TMEM232: variants seen among roughly 807,000 people sequenced by gnomAD.
TMEM232 encodes the protein transmembrane protein 232.
In TMEM232, 80 loss-of-function variants were observed where a neutral mutation model predicts 78.8. That is an observed-to-expected ratio of 1.01 (90% CI 0.85 to 1.22). The LOEUF (loss-of-function observed/expected upper bound fraction) is 1.22, where lower values mean the gene tolerates loss of function less well. TMEM232 is among the 50% of genes most tolerant of loss of function. The pLI, the probability that TMEM232 is intolerant of heterozygous loss-of-function variation, is 0.00. For missense variants in TMEM232, 881 were observed against 742.2 expected (o/e 1.19, Z -2.17); for synonymous variants, 297 against 254.3 (o/e 1.17, Z -1.60).
downstream of TMEM232, among the ~76,000 whole-genome samples, chr5:110,418,775 C>A (rs1756381288): frequency 6.6e-6 from 1 of 152,070 alleles, no homozygotes. Flanking sequence ...AAGGACCATG[C>A]CTCAGAATGC....
intron 13 of TMEM232, 149 bp from the exon 14 acceptor site, chr5:110,420,905 C>T (rs1580599193): frequency 9.9e-7 from 1 of 1,007,280 alleles, no homozygotes; most frequent in Non-Finnish European, 1.4e-6. Flanking sequence ...ACCACACTGG[C>T]AAAACACATG....
chr5:110,650,656 A>AAATTGTCAT (rs1788176741), intron 2 of TMEM232, among the ~76,000 whole-genome samples: 1 of 152,176 alleles, frequency 6.6e-6, no homozygotes, highest in South Asian at 2.1e-4. Flanking sequence ...GTACTCTTCA[A>AAATTGTCAT]AATTGTCATG....
At position 110,699,720 on chromosome 5, in the gene TMEM232, C is replaced by T. The variant is rs192942702; in HGVS notation, c.-13+26907G>A. Among the ~76,000 whole-genome samples, 34 of 152,150 alleles carry T rather than the reference C, an allele frequency of 2.2e-4. No individual in the cohort carries two copies. The East Asian group carries it at 4.2e-3, about 19-fold the overall frequency. ...TCTTGCTACCACTCCTTCCCCTCTG[C>T]TTCTTGAACCTTCCTCTCACTTGGT... On this transcript the variant is annotated intron_variant, in intron 1 of 13. Coordinates refer to ENST00000455884, the MANE Select transcript of TMEM232 (RefSeq NM_001039763.4).
intron 1 of TMEM232, among the ~76,000 whole-genome samples, chr5:110,722,033 T>C (rs1445803323): frequency 2.0e-5 from 3 of 151,928 alleles, no homozygotes; most frequent in African/African-American, 7.2e-5. Context: ...CAGTATTTTA[T>C]TGATATCACA....
chr5:110,550,918 G>A (rs1156359514), intron 11 of TMEM232, among the ~76,000 whole-genome samples: 2 of 147,486 alleles, frequency 1.4e-5, no homozygotes, highest in Non-Finnish European at 3.0e-5. Context: ...AACAGGGTTT[G>A]GCAAACTACC....
At position 110,392,931 on chromosome 5, in the gene TMEM232, A is replaced by G. The variant is rs1015669071; in HGVS notation, n.391-2291T>C. 3.1e-4 allele frequency among the ~76,000 whole-genome samples: 47 copies of G among 152,200 alleles called. 1 individual carries two copies. Among genetic ancestry groups the G allele is most frequent in the Non-Finnish European group, 1.5e-5 (1 of 68,028 alleles). ...TTTTCTTTCTGACAATAATAATGCA[A>G]TACCTAATATTTAAAAGTGAGTCAC... On this transcript the variant is annotated intron_variant and non_coding_transcript_variant, in intron 3 of 8. Transcript: ENST00000507188.
intron 1 of TMEM232, among the ~76,000 whole-genome samples, chr5:110,668,710 T>C (rs1225595475): frequency 3.9e-5 from 6 of 152,108 alleles, no homozygotes; most frequent in Admixed American, 2.6e-4. Flanking sequence ...TATTCCAAAA[T>C]TGACCACATA....
downstream of TMEM232, among the ~76,000 whole-genome samples, chr5:110,414,780 G>T (rs1181136716): frequency 6.6e-6 from 1 of 152,142 alleles, no homozygotes; most frequent in East Asian, 1.9e-4. Context: ...GGTCTGGTGT[G>T]TGTAAGGAAG....
chr5:110,409,156 CA>C (rs1472217935), intron 2 of TMEM232, among the ~76,000 whole-genome samples: 2 of 152,236 alleles, frequency 1.3e-5, no homozygotes, highest in Non-Finnish European at 2.9e-5. Flanking sequence ...TATGAAGTGG[CA>C]GGTATTCTTC....
intron 12 of TMEM232, among the ~76,000 whole-genome samples, chr5:110,500,197 C>T (rs1766094846): frequency 1.4e-5 from 2 of 143,792 alleles, no homozygotes; most frequent in Non-Finnish European, 3.0e-5. Context: ...GAGGCTGAGG[C>T]AGAAGAATCA....
intron 8 of TMEM232, among the ~76,000 whole-genome samples, chr5:110,614,194 T>C (rs1056253460): frequency 2.0e-5 from 3 of 152,102 alleles, no homozygotes; most frequent in Non-Finnish European, 4.4e-5. Flanking sequence ...TATCCCCTTC[T>C]TCACTTGATA....
chr5:110,497,204 TGGC>T (rs1160212043), intron 12 of TMEM232, among the ~76,000 whole-genome samples: 4 of 152,062 alleles, frequency 2.6e-5, no homozygotes, highest in Non-Finnish European at 5.9e-5. Flanking sequence ...TGAAAACCTA[TGGC>T]AGAAATAAAG....
intron 1 of TMEM232, among the ~76,000 whole-genome samples, chr5:110,698,615 A>T (rs1031573636): frequency 2.0e-5 from 3 of 152,006 alleles, no homozygotes; most frequent in Admixed American, 6.6e-5. Context: ...TAGGGGAACC[A>T]CTGGGTTTAC....
At chr5:110,522,314 T>C (rs1416888770) in intron 12 of TMEM232, among the ~76,000 whole-genome samples, 1 of 152,168 alleles carries the variant, frequency 6.6e-6, no homozygotes, top group Non-Finnish European at 1.5e-5. Context: ...TCTAACAGTT[T>C]TTTGGTGGAG....
At chr5:110,698,212 C>G (rs1383314934) in intron 1 of TMEM232, among the ~76,000 whole-genome samples, 2 of 151,874 alleles carry the variant, frequency 1.3e-5, no homozygotes, top group Admixed American at 6.6e-5. Flanking sequence ...CGCATGTTCT[C>G]ACTCATAGGT....
intron 12 of TMEM232, among the ~76,000 whole-genome samples, chr5:110,499,106 A>G (rs1385570875): frequency 6.6e-6 from 1 of 152,216 alleles, no homozygotes; most frequent in Non-Finnish European, 1.5e-5. Flanking sequence ...AAAATGGAAT[A>G]GCAAAACATT....
chr5:110,476,550 T>A (rs564998186), intron 12 of TMEM232, among the ~76,000 whole-genome samples: 1 of 152,052 alleles, frequency 6.6e-6, no homozygotes, highest in Non-Finnish European at 1.5e-5. Context: ...TCCTGAAATA[T>A]AGAGTTCATA....
At chr5:110,685,719 T>C (rs1793315187) in intron 1 of TMEM232, among the ~76,000 whole-genome samples, 1 of 152,146 alleles carries the variant, frequency 6.6e-6, no homozygotes, top group South Asian at 2.1e-4. Flanking sequence ...TTATTCGCAA[T>C]AGTCCCAAAC....
intron 1 of TMEM232, among the ~76,000 whole-genome samples, chr5:110,686,868 C>T (rs1297014804): frequency 1.3e-5 from 2 of 152,126 alleles, no homozygotes; most frequent in Non-Finnish European, 2.9e-5. Context: ...AAGGCTCTGT[C>T]TAAATCTTCC....
Sources: gnomAD v4.1 joint callset for allele counts (sites outside exome capture counted in the v4.1 genomes callset) on GRCh38, gnomAD v4.1.1 for gene constraint, MANE v1.5 for transcripts, NCBI Gene and HGNC (gene_info 2026-07-23, HGNC 2026-07-21) for gene names.